The following CMTM4 variants were observed in gnomAD, a reference collection of about 807,000 sequenced individuals.
CMTM4 encodes CKLF-like MARVEL transmembrane domain-containing protein 4.
CMTM4 carries 8 observed loss-of-function variants against 19.0 expected under a neutral mutation model. That is an observed-to-expected ratio of 0.42 (90% CI 0.25 to 0.76). CMTM4 has a LOEUF of 0.76. Ranked by LOEUF, CMTM4 falls within the 30% of genes least tolerant of loss-of-function variation. The probability of loss-of-function intolerance (pLI) is 0.27; values close to 1 mark genes in which losing one functional copy is unlikely to be tolerated. For synonymous variants in CMTM4, 106 were observed against 121.1 expected (o/e 0.88, Z 0.82); for missense variants, 228 against 290.2 (o/e 0.79, Z 1.56).
chr16:66,606,593 G>C, the CMTM4 span, among the ~76,000 whole-genome samples: 3 of 152,162 alleles, frequency 2.0e-5, no homozygotes, highest in Non-Finnish European at 1.5e-5. Context: ...GGGGACTCCT[G>C]CACCCACTAG....
intron 1 of CMTM4, among the ~76,000 whole-genome samples, chr16:66,663,702 C>G (rs1348752330): frequency 2.6e-5 from 4 of 151,782 alleles, no homozygotes; most frequent in Admixed American, 2.0e-4. Flanking sequence ...GCCGCCACAC[C>G]GAGCTAATTT....
chr16:66,631,151 C>T (rs1285083960), intron 2 of CMTM4, among the ~76,000 whole-genome samples: 1 of 151,664 alleles, frequency 6.6e-6, no homozygotes, highest in Non-Finnish European at 1.5e-5. Context: ...GCAGCCACCC[C>T]GTCCGGGAGG....
intron 1 of CMTM4, among the ~76,000 whole-genome samples, chr16:66,679,556 G>A (rs1291392289): frequency 7.9e-5 from 12 of 152,116 alleles, no homozygotes; most frequent in Admixed American, 2.6e-4. Context: ...GGGCATGGTG[G>A]CTCATGCCTG....
In CMTM4 at chr16:66,673,071, A is replaced by ATT. The variant is rs758565705; in HGVS notation, c.186+23267_186+23268dup. ...ATTACAGGCACGCGCCACCACACCA[A>ATT]TTTTTTTTTTTTTTTTTTTTTTTTT... is the stretch of plus-strand genomic sequence containing the variant. On this transcript the variant is annotated intron_variant, in intron 1 of 3. Transcript: ENST00000394106. Among the ~76,000 whole-genome samples, 319 of 86,754 alleles carry ATT rather than the reference A, an allele frequency of 3.7e-3. 7 individuals carry two copies. The highest frequency in any genetic ancestry group is 0.011 in the Admixed American group (69 of 6,252). 56.9% of individuals were successfully genotyped at this position (86,754 alleles called of 152,430 possible).
chr16:66,604,971 T>C, the CMTM4 span: 2 of 1,479,962 alleles, frequency 1.4e-6, no homozygotes, highest in Non-Finnish European at 1.8e-6. Context: ...GGCGGGACCC[T>C]CGGCCGCCCC....
At chr16:66,638,906 A>T (rs1317744970) in intron 1 of CMTM4, among the ~76,000 whole-genome samples, 1 of 147,766 alleles carries the variant, frequency 6.8e-6, no homozygotes, top group Admixed American at 7.0e-5. Flanking sequence ...GTAGATTTTA[A>T]ATGTTCTCAC....
intron 1 of CMTM4, among the ~76,000 whole-genome samples, chr16:66,694,712 CAAAAAAAAAA>C (rs752909314): frequency 2.3e-5 from 1 of 44,354 alleles, no homozygotes; most frequent in Non-Finnish European, 4.5e-5. Context: ...GACTCCATCT[CAAAAAAAAAA>C]AAAAAAAAAA....
chr16:66,664,356 T>C (rs981449913), intron 1 of CMTM4, among the ~76,000 whole-genome samples: 2 of 151,954 alleles, frequency 1.3e-5, no homozygotes, highest in Admixed American at 6.6e-5. Flanking sequence ...AGAGGGAAAC[T>C]TGGAATATCA....
chr16:66,642,834 G>A (rs188399622), intron 1 of CMTM4, among the ~76,000 whole-genome samples: 1 of 152,298 alleles, frequency 6.6e-6, no homozygotes, highest in African/African-American at 2.4e-5. Context: ...GAAAGAGAGA[G>A]GACTGGCTGA....
chr16:66,692,562 C>A (rs755309790), intron 1 of CMTM4, among the ~76,000 whole-genome samples: 3 of 152,218 alleles, frequency 2.0e-5, no homozygotes, highest in Non-Finnish European at 2.9e-5. Context: ...TAAGGCCAAA[C>A]TTGGAATAGC....
Position 66,620,876 on chromosome 16 carries a change from C to G in CMTM4, c.*1182G>C. 1.0e-6 allele frequency: 1 copy of G among 985,762 alleles called. No individual in the cohort carries two copies. Among genetic ancestry groups the G allele is most frequent in the African/African-American group, 1.7e-5 (1 of 57,348 alleles). The allele number at this position is 985,762 out of a possible 1,614,324, so 61.1% of individuals were successfully genotyped here. On this transcript the variant is annotated 3_prime_UTR_variant, in exon 4 of 4. Transcript: ENST00000394106. ...ATCATGGGGACTCACTGAACTCATTCACCACACACAATAATCTTCACTTTA... is the reference window on the plus strand; with the variant it reads ...ATCATGGGGACTCACTGAACTCATTGACCACACACAATAATCTTCACTTTA...
intron 1 of CMTM4, among the ~76,000 whole-genome samples, chr16:66,687,682 A>ATATTT (rs1567434313): frequency 2.1e-5 from 2 of 93,310 alleles, no homozygotes; most frequent in African/African-American, 3.8e-5. Flanking sequence ...AAAAAGGGTA[A>ATATTT]TTTTTTTTTT....
chr16:66,631,533 T>C (rs1040791395), intron 2 of CMTM4, among the ~76,000 whole-genome samples: 7 of 152,240 alleles, frequency 4.6e-5, no homozygotes, highest in Non-Finnish European at 8.8e-5. Context: ...ATGGTTGCTG[T>C]GTCTGTGTAG....
Position 66,696,389 on chromosome 16 carries a change from TCGCAGCGCAGGCCGGCCAGCC to T in CMTM4, c.116_136del (p.Gly39_Cys45del), listed in dbSNP as rs768330050. ...GAGCGCGCCGCGCAGGTAGTCGGGG[TCGCAGCGCAGGCCGGCCAGCC>T]CGCGGCGCTGGCTCACCGGCTCGGT... is the stretch of plus-strand genomic sequence containing the variant. On this transcript the variant is annotated inframe_deletion, in exon 1 of 4. Transcript: ENST00000394106. The surrounding 1 kb of genome is among the most constrained non-coding windows in gnomAD (Gnocchi z 4.3). 3.1e-4 allele frequency: 447 copies of T among 1,423,380 alleles called. No homozygotes were observed. Among genetic ancestry groups the T allele is most frequent in the Middle Eastern group, 1.0e-3 (4 of 3,964 alleles). 88.2% of individuals were successfully genotyped at this position (1,423,380 alleles called of 1,614,324 possible).
Position 66,619,268 on chromosome 16 carries a change from T to C in CMTM4, c.*2790A>G. On this transcript the variant is annotated 3_prime_UTR_variant, in exon 4 of 4. Coordinates refer to ENST00000394106, the MANE Select transcript of CMTM4 (RefSeq NM_181521.3). ...CACCCAATCAGTGCCAAAATAAACT[T>C]TCTCTGAGGACATCAGTGTTTGCAT... 1 of 985,450 alleles carries C rather than the reference T, an allele frequency of 1.0e-6. No homozygotes were observed. Among genetic ancestry groups the C allele is most frequent in the Non-Finnish European group, 1.2e-6 (1 of 829,952 alleles). 61.0% of individuals were successfully genotyped at this position (985,450 alleles called of 1,614,324 possible).
chr16:66,621,821 T>G lies in CMTM4; in HGVS notation c.*237A>C, dbSNP rs565662861. 103 of 1,358,926 alleles carry G rather than the reference T, an allele frequency of 7.6e-5. No individual in the cohort carries two copies. In the African/African-American group the frequency reaches 1.4e-3, roughly 18 times the overall value. The allele number at this position is 1,358,926 out of a possible 1,614,324, so 84.2% of individuals were successfully genotyped here. A position where few individuals can be genotyped will look rare whatever the true frequency, so the allele number is the denominator to read the frequency against. On this transcript the variant is annotated 3_prime_UTR_variant, in exon 4 of 4. Transcript: ENST00000394106. ...GCTTCAGGGCAGGTAAGACCTCAAGTGGACCTGGGCAGTGACGCCGGCTGC... is the reference window on the plus strand; with the variant it reads ...GCTTCAGGGCAGGTAAGACCTCAAGGGGACCTGGGCAGTGACGCCGGCTGC...
chr16:66,672,359 T>A (rs2144883514), intron 1 of CMTM4, among the ~76,000 whole-genome samples: 1 of 143,844 alleles, frequency 7.0e-6, no homozygotes, highest in South Asian at 2.3e-4. Flanking sequence ...AAGCCGAGAT[T>A]GAGCCACTGC....
At chr16:66,660,076 C>G (rs530114095) in intron 1 of CMTM4, among the ~76,000 whole-genome samples, 1 of 152,090 alleles carries the variant, frequency 6.6e-6, no homozygotes, top group African/African-American at 2.4e-5. Flanking sequence ...ACATCACTAG[C>G]TATTAGGAAA....
chr16:66,609,981 G>C, downstream of CMTM4: 1 of 1,614,176 alleles, frequency 6.2e-7, no homozygotes, highest in Non-Finnish European at 8.5e-7. The surrounding 1 kb of genome is among the most constrained non-coding windows in gnomAD (Gnocchi z 4.4). Flanking sequence ...CTGCAGATGA[G>C]ACCACAGCCC....
Sources: gnomAD v4.1 joint callset for allele counts (sites outside exome capture counted in the v4.1 genomes callset) on GRCh38, gnomAD v4.1.1 for gene constraint, Gnocchi (gnomAD v3.1) non-coding constraint, MANE v1.5 for transcripts, NCBI Gene and HGNC (gene_info 2026-07-23, HGNC 2026-07-21) for gene names.